Variants in RTN3 observed in about 807,000 individuals in gnomAD.
The protein encoded by RTN3 is reticulon-3.
A neutral mutation model predicts 77.8 loss-of-function variants in RTN3; 49 were observed. The ratio of observed to expected loss-of-function variants is 0.63; its 90% CI spans 0.50 to 0.80. The LOEUF (loss-of-function observed/expected upper bound fraction) is 0.80, where lower values mean the gene tolerates loss of function less well. RTN3 is among the 30% of genes least tolerant of loss of function. The probability of loss-of-function intolerance (pLI) is 0.00; values close to 1 mark genes in which losing one functional copy is unlikely to be tolerated. For missense variants in RTN3, 1,236 were observed against 1,211.9 expected (o/e 1.02, Z -0.29); for synonymous variants, 464 against 446.9 (o/e 1.04, Z -0.48).
chr11:63,725,519 G>C (rs534056574), intron 3 of RTN3, among the ~76,000 whole-genome samples: 28 of 151,276 alleles, frequency 1.9e-4, no homozygotes, highest in African/African-American at 6.6e-4. Flanking sequence ...TGCAATCTCC[G>C]CTCACTGCAA....
intron 3 of RTN3, among the ~76,000 whole-genome samples, chr11:63,745,666 A>C (rs1205456174): frequency 6.6e-6 from 1 of 152,184 alleles, no homozygotes; most frequent in Non-Finnish European, 1.5e-5. Context: ...CCCAGGGCCT[A>C]TATTATTATG....
intron 3 of RTN3, among the ~76,000 whole-genome samples, chr11:63,738,016 G>T (rs1360974059): frequency 2.0e-5 from 3 of 152,114 alleles, no homozygotes; most frequent in Admixed American, 6.6e-5. Context: ...ACAAAATTTG[G>T]GCCTGAGTTT....
chr11:63,685,659 T>C (rs1941329538), intron 1 of RTN3, among the ~76,000 whole-genome samples: 1 of 152,074 alleles, frequency 6.6e-6, no homozygotes, highest in African/African-American at 2.4e-5. Flanking sequence ...TTATTTAAAA[T>C]GTAGATGCTA....
intron 3 of RTN3, among the ~76,000 whole-genome samples, chr11:63,741,151 G>C (rs886787723): frequency 3.3e-5 from 5 of 151,998 alleles, no homozygotes; most frequent in Non-Finnish European, 7.4e-5. Context: ...AAGCCAGGAA[G>C]CATTAAGGGG....
chr11:63,707,368 G>A (rs952640893), intron 2 of RTN3, among the ~76,000 whole-genome samples: 1 of 152,032 alleles, frequency 6.6e-6, no homozygotes, highest in African/African-American at 2.4e-5. Context: ...AAGTAGAAGG[G>A]AGGTAAATAA....
chr11:63,736,288 G>A (rs937270224), intron 3 of RTN3, among the ~76,000 whole-genome samples: 5 of 152,108 alleles, frequency 3.3e-5, no homozygotes, highest in Middle Eastern at 3.2e-3. Context: ...TTGCTTCTTC[G>A]AAGCTATCAA....
In RTN3 at chr11:63,698,027, T is replaced by A. The variant is rs540123954; in HGVS notation, c.143-6824T>A. On this transcript the variant is annotated intron_variant, in intron 1 of 8. Transcript: ENST00000377819. ...CATACTTTTTGTTTTCAGTGTTTTT[T>A]AAACTTACCTTCACTCCTCAGTCTT... Among the ~76,000 whole-genome samples the A allele has an allele frequency of 7.2e-5, 11 of 152,288 alleles. No individual in the cohort carries two copies. The East Asian group carries it at 2.1e-3, about 29-fold the overall frequency.
In RTN3 at chr11:63,719,217, A is replaced by G. The variant is rs1291603077; in HGVS notation, c.715A>G (p.Ile239Val). 1.2e-6 allele frequency: 2 copies of G among 1,614,198 alleles called. No individual in the cohort carries two copies. Among genetic ancestry groups the G allele is most frequent in the Admixed American group, 1.7e-5 (1 of 60,030 alleles). Residue 239 changes from isoleucine to valine, a missense_variant, in exon 3 of 9, where the codon ATT becomes GTT. By Grantham distance (29) the Ile-to-Val change is conservative. Transcript: ENST00000377819. The part of the protein sequence containing the change: ...SPSKVSGDDV[I>V]EKDSPESPFE... ...ATCCAAAGTTTCAGGAGATGATGTT[A>G]TTGAAAAGGATTCCCCTGAATCACC... is the stretch of plus-strand genomic sequence containing the variant.
At position 63,720,271 on chromosome 11, in the gene RTN3, T is replaced by C; in HGVS notation, c.1769T>C (p.Val590Ala). The C allele has an allele frequency of 6.2e-7, 1 of 1,613,678 alleles. No individual in the cohort carries two copies. The highest frequency in any genetic ancestry group is 8.5e-7 in the Non-Finnish European group (1 of 1,179,864). The change falls in exon 3 of 9, where the codon GTC (valine) becomes GCC (alanine). Residue 590 changes from valine to alanine, a missense_variant. This residue lies in a region of RTN3 where 1,056 missense variants were observed against 990.4 expected (regional missense o/e 1.07). Coordinates refer to ENST00000377819, the MANE Select transcript of RTN3 (RefSeq NM_001265589.2). Reference sequence around the variant, plus strand: ...TGTTCAAAAGTACCCGATACGAATGTCTCCTTAGAAGATGTGAGTGAAGTT... The same window carrying C: ...TGTTCAAAAGTACCCGATACGAATGCCTCCTTAGAAGATGTGAGTGAAGTT... ...AACSKVPDTN[V>A]SLEDVSEVAP...
chr11:63,700,410 G>C (rs1400462481), intron 1 of RTN3, among the ~76,000 whole-genome samples: 1 of 150,178 alleles, frequency 6.7e-6, no homozygotes, highest in Non-Finnish European at 1.5e-5. Flanking sequence ...CAAGTAGCTG[G>C]GACTATAGGC....
intron 3 of RTN3, among the ~76,000 whole-genome samples, chr11:63,724,681 C>T (rs1435242328): frequency 3.3e-5 from 5 of 151,778 alleles, no homozygotes; most frequent in Non-Finnish European, 5.9e-5. Context: ...TTAGTAAAGA[C>T]GGAGTTTCAC....
At chr11:63,692,931 A>T (rs1269577985) in intron 1 of RTN3, among the ~76,000 whole-genome samples, 3 of 150,410 alleles carry the variant, frequency 2.0e-5, no homozygotes, top group Admixed American at 2.0e-4. Flanking sequence ...CTATTAAAAA[A>T]GTTCAATGAG....
At chr11:63,735,602 T>TCTCTCTCTCTCTCTCTC (rs1555078117) in intron 3 of RTN3, among the ~76,000 whole-genome samples, 2 of 25,052 alleles carry the variant, frequency 8.0e-5, no homozygotes, top group African/African-American at 1.3e-4. Flanking sequence ...CTCTCTCTCT[T>TCTCTCTCTCTCTCTCTC]TCTTTCAACC....
intron 1 of RTN3, among the ~76,000 whole-genome samples, chr11:63,694,179 G>A (rs28754512): frequency 0.028 from 4,104 of 145,826 alleles, 193 homozygotes; most frequent in African/African-American, 0.097. Flanking sequence ...ATTAATTATG[G>A]TTTTTTTTTT....
intron 1 of RTN3, among the ~76,000 whole-genome samples, chr11:63,700,273 A>G (rs1016012396): frequency 4.5e-5 from 1 of 22,176 alleles, no homozygotes; most frequent in African/African-American, 2.0e-4. Flanking sequence ...GGAAAACATG[A>G]TTCTTTTACT....
intron 2 of RTN3, among the ~76,000 whole-genome samples, chr11:63,718,029 A>AG (rs1247808869): frequency 8.6e-5 from 13 of 151,930 alleles, no homozygotes; most frequent in Admixed American, 8.5e-4. Context: ...AAAAAAAAAA[A>AG]AAGATTTTGG....
Position 63,681,584 on chromosome 11 carries a change from C to G in RTN3, c.-53C>G. On this transcript the variant is annotated 5_prime_UTR_variant, in exon 1 of 9. Coordinates refer to ENST00000377819, the MANE Select transcript of RTN3 (RefSeq NM_001265589.2). The stretch of plus-strand genomic sequence containing the variant: ...CCGGATTATTCTATTTCCCCTCCCT[C>G]TCTCCCGCCCCGTATCTCTTTTCAC... The G allele has an allele frequency of 6.6e-7, 1 of 1,512,050 alleles. No homozygotes were observed. Among genetic ancestry groups the G allele is most frequent in the Non-Finnish European group, 8.9e-7 (1 of 1,127,342 alleles). 93.7% of individuals were successfully genotyped at this position (1,512,050 alleles called of 1,614,324 possible). A position where few individuals can be genotyped will look rare whatever the true frequency, so the allele number is the denominator to read the frequency against.
intron 3 of RTN3, among the ~76,000 whole-genome samples, chr11:63,723,773 A>G (rs1298324062): frequency 1.3e-5 from 2 of 152,144 alleles, no homozygotes; most frequent in African/African-American, 2.4e-5. Flanking sequence ...CTTCCTTTCT[A>G]AGGTAAAAAC....
intron 3 of RTN3, among the ~76,000 whole-genome samples, chr11:63,742,424 T>C (rs2013539369): frequency 1.3e-5 from 2 of 151,400 alleles, no homozygotes; most frequent in Non-Finnish European, 1.5e-5. Context: ...GGCTGGTGGA[T>C]CACTAGAGGT....
Sources: allele counts gnomAD v4.1 joint callset (sites outside exome capture counted in the v4.1 genomes callset), GRCh38; gene constraint gnomAD v4.1.1; regional missense constraint gnomAD v4.1.1; transcripts MANE v1.5; gene names NCBI Gene and HGNC (gene_info 2026-07-23, HGNC 2026-07-21).